ARHGEF2: variants seen among roughly 807,000 people sequenced by gnomAD.
The protein encoded by ARHGEF2 is Rho/Rac guanine nucleotide exchange factor 2.
ARHGEF2 carries 22 observed loss-of-function variants against 121.0 expected under a neutral mutation model. That is an observed-to-expected ratio of 0.18 (90% confidence interval 0.13 to 0.26). The LOEUF (loss-of-function observed/expected upper bound fraction) is 0.26. Ranked by LOEUF, ARHGEF2 falls within the 10% of genes least tolerant of loss-of-function variation. The probability of loss-of-function intolerance (pLI) is 1.00; values close to 1 mark genes in which losing one functional copy is unlikely to be tolerated. For synonymous variants in ARHGEF2, 487 were observed against 530.0 expected (o/e 0.92, Z 1.11); for missense variants, 907 against 1,336.0 (o/e 0.68, Z 5.01).
In ARHGEF2 at chr1:155,978,126, A is replaced by T; in HGVS notation, c.63+239T>A. 2 of 1,242,866 alleles carry T rather than the reference A, an allele frequency of 1.6e-6. No homozygotes were observed. The highest frequency in any genetic ancestry group is 1.0e-6 in the Non-Finnish European group (1 of 988,584). The allele number at this position is 1,242,866 out of a possible 1,614,324, so 77.0% of individuals were successfully genotyped here. ...CGGTCCCGCCGGCTTGGAGGCGACCAAGCCCAGGTCCGCTCCGCTCCCTCC... is the reference window on the plus strand; with the variant it reads ...CGGTCCCGCCGGCTTGGAGGCGACCTAGCCCAGGTCCGCTCCGCTCCCTCC... On this transcript the variant is annotated intron_variant, in intron 1 of 21. Coordinates refer to ENST00000361247, the MANE Select transcript of ARHGEF2 (RefSeq NM_001162383.2). The surrounding 1 kb of genome is among the most constrained non-coding windows in gnomAD (Gnocchi z 4.1).
At chr1:155,957,669 ACCC>A in intron 13 of ARHGEF2, 41 bp downstream of exon 13, 1 of 1,568,252 alleles carries the variant, frequency 6.4e-7, no homozygotes, top group South Asian at 1.2e-5. Flanking sequence ...TGCTGCAGGT[ACCC>A]TGAGGTCATA....
intron 1 of ARHGEF2, chr1:155,971,187 C>T: frequency 1.1e-6 from 1 of 874,558 alleles, no homozygotes. Context: ...TTCTGGCCTC[C>T]TTTTTTCTAT....
rs996704547 is a variant in ARHGEF2, at chr1:155,962,042, C to A, written c.1219+63G>T. The A allele has an allele frequency of 8.1e-6, 13 of 1,606,760 alleles. No homozygotes were observed. In the East Asian group the frequency reaches 2.5e-4, roughly 30 times the overall value. ...GACCCCACCCTTCCTGTGGTCATAC[C>A]GAGCCTTTCCTCACCCCAGGTGGCC... On this transcript the variant is annotated intron_variant, in intron 10 of 21. Transcript: ENST00000361247. The surrounding 1 kb of genome is among the most constrained non-coding windows in gnomAD (Gnocchi z 5.8).
intron 21 of ARHGEF2, among the ~76,000 whole-genome samples, chr1:155,948,563 G>A (rs2364402): frequency 0.8 from 122,323 of 152,076 alleles, 51,649 homozygotes; most frequent in East Asian, 0.94. Context: ...CTTGGGAGGT[G>A]GAAGTTGCAG....
intron 7 of ARHGEF2, 131 bp from the exon 8 acceptor site, chr1:155,963,314 G>C: frequency 1.4e-6 from 1 of 692,152 alleles, no homozygotes; most frequent in Non-Finnish European, 2.3e-6. Context: ...GCATTATTAT[G>C]ATCTTAGATA....
intron 1 of ARHGEF2, chr1:155,971,196 A>G: frequency 2.5e-6 from 2 of 795,566 alleles, no homozygotes; most frequent in Non-Finnish European, 3.0e-6. Flanking sequence ...CCTTTTTTCT[A>G]TTCTGGCACC....
chr1:155,957,503 G>C (rs1339751741), intron 13 of ARHGEF2, among the ~76,000 whole-genome samples: 2 of 152,210 alleles, frequency 1.3e-5, no homozygotes, highest in Non-Finnish European at 2.9e-5. Context: ...AATTTGAAAG[G>C]GAGTTGAGGT....
intron 1 of ARHGEF2, among the ~76,000 whole-genome samples, chr1:155,974,413 G>T (rs1482637140): frequency 6.6e-6 from 1 of 152,194 alleles, no homozygotes; most frequent in African/African-American, 2.4e-5. Context: ...CAGAGGCGCC[G>T]TTGGCTATGA....
upstream of ARHGEF2, chr1:155,979,145 C>G: frequency 1.0e-6 from 1 of 985,480 alleles, no homozygotes. Context: ...GGTCGAAGAA[C>G]AGAGAGGAGA....
At chr1:155,977,870 C>T (rs1430961855) in intron 1 of ARHGEF2, among the ~76,000 whole-genome samples, 1 of 152,116 alleles carries the variant, frequency 6.6e-6, no homozygotes, top group African/African-American at 2.4e-5. Flanking sequence ...GGGAGGAAGC[C>T]GGGAAACCAC....
Position 155,962,171 on chromosome 1 carries a change from G to A in ARHGEF2, c.1153C>T (p.Leu385=). ...TTGGTGATGCGCTGAGTCACCAGCA[G>A]GATGCACTCCTGTACCCCGTGCCGC... ...LKRHGVQECI[L]LVTQRITKYP... The change falls in exon 10 of 22, where the codon CTG becomes TTG. Residue 385 remains leucine, a synonymous_variant. Transcript: ENST00000361247. This position sits in a 1 kb window ranked among gnomAD's most constrained non-coding sequence, Gnocchi z 5.8. 6.2e-7 allele frequency: 1 copy of A among 1,614,204 alleles called. No individual in the cohort carries two copies. Among genetic ancestry groups the A allele is most frequent in the Non-Finnish European group, 8.5e-7 (1 of 1,180,042 alleles).
In ARHGEF2 at chr1:155,964,094, G is replaced by A. The variant is rs563367746; in HGVS notation, c.724+894C>T. ...TGGGAGGCGGAGGTTGCAGTGAGCC[G>A]AGATAGCGCCAGTGCACTCCAGCAT... On this transcript the variant is annotated intron_variant, in intron 7 of 21. Transcript: ENST00000361247. Among the ~76,000 whole-genome samples, 6 of 139,604 alleles carry A rather than the reference G, an allele frequency of 4.3e-5. No homozygotes were observed. The East Asian group carries it at 6.3e-4, about 15-fold the overall frequency. 91.6% of individuals were successfully genotyped at this position (139,604 alleles called of 152,430 possible).
intron 1 of ARHGEF2, among the ~76,000 whole-genome samples, chr1:155,975,293 A>C (rs1258564689): frequency 2.0e-5 from 3 of 152,106 alleles, no homozygotes; most frequent in Non-Finnish European, 4.4e-5. Flanking sequence ...GGGGATGCAC[A>C]CATTCACATC....
chr1:155,978,244 A>AACCCC lies in ARHGEF2; in HGVS notation c.63+120_63+121insGGGGT. ...ACCCCGTCCCGCCGCTCGCCGATCC[A>AACCCC]CCGCTCCGCCCGATTTTGGCGCCCA... On this transcript the variant is annotated intron_variant, in intron 1 of 21. Transcript: ENST00000361247. The surrounding 1 kb of genome is among the most constrained non-coding windows in gnomAD (Gnocchi z 4.1). 8.6e-7 allele frequency: 1 copy of AACCCC among 1,163,680 alleles called. No individual in the cohort carries two copies. Among genetic ancestry groups the AACCCC allele is most frequent in the Non-Finnish European group, 1.1e-6 (1 of 917,636 alleles). The allele number at this position is 1,163,680 out of a possible 1,614,324, so 72.1% of individuals were successfully genotyped here.
intron 7 of ARHGEF2, among the ~76,000 whole-genome samples, chr1:155,964,170 ATATATATAT>A (rs1558030738): frequency 4.0e-4 from 25 of 63,270 alleles, no homozygotes; most frequent in African/African-American, 2.5e-3. Flanking sequence ...AAAAAAAAAT[ATATATATAT>A]ATATATATAT....
Position 155,973,617 on chromosome 1 carries a change from G to A in ARHGEF2, c.64-4317C>T, listed in dbSNP as rs577995659. On this transcript the variant is annotated intron_variant, in intron 1 of 21. Coordinates refer to ENST00000361247, the MANE Select transcript of ARHGEF2 (RefSeq NM_001162383.2). ...AAAAATTGGCCGGGTATGGTGGTGG[G>A]CACCTGTAATCCCAACTACTCAGGA... Among the ~76,000 whole-genome samples the A allele has an allele frequency of 1.4e-3, 217 of 152,192 alleles. 1 individual carries two copies. In the Middle Eastern group the frequency reaches 0.024, roughly 17 times the overall value.
intron 15 of ARHGEF2, 121 bp downstream of exon 15, chr1:155,952,507 G>A (rs1675696885): frequency 8.3e-7 from 1 of 1,203,608 alleles, no homozygotes; most frequent in Non-Finnish European, 1.2e-6. Context: ...GGCACTCAGG[G>A]CCGTTTATGG....
intron 3 of ARHGEF2, 119 bp downstream of exon 3, chr1:155,966,701 C>A (rs1480798070): frequency 3.2e-6 from 4 of 1,231,142 alleles, no homozygotes; most frequent in Admixed American, 1.7e-5. Flanking sequence ...GTCTGGGCTG[C>A]CCCTTGGTGA....
Position 155,978,517 on chromosome 1 carries a change from G to A in ARHGEF2, c.-90C>T, listed in dbSNP as rs558208771. On this transcript the variant is annotated 5_prime_UTR_variant, in exon 1 of 22. Transcript: ENST00000361247. The surrounding 1 kb of genome is among the most constrained non-coding windows in gnomAD (Gnocchi z 4.1). ...GCGGGGGGAGGGGTTCGGCCCGCACGCGTTGGTCTCGGGGACAGGAAGTCT... is the reference window on the plus strand; with the variant it reads ...GCGGGGGGAGGGGTTCGGCCCGCACACGTTGGTCTCGGGGACAGGAAGTCT... The A allele has an allele frequency of 6.1e-6, 8 of 1,313,542 alleles. No homozygotes were observed. The South Asian group carries it at 1.4e-4, about 23-fold the overall frequency. 81.4% of individuals were successfully genotyped at this position (1,313,542 alleles called of 1,614,324 possible).
Sources: allele counts gnomAD v4.1 joint callset (sites outside exome capture counted in the v4.1 genomes callset), GRCh38; gene constraint gnomAD v4.1.1; non-coding constraint Gnocchi (gnomAD v3.1); transcripts MANE v1.5; gene names NCBI Gene and HGNC (gene_info 2026-07-23, HGNC 2026-07-21).